The following LRRC58 variants were observed in gnomAD, a reference collection of about 807,000 sequenced individuals.
The protein encoded by LRRC58 is leucine rich repeat containing 58, also known as leucine-rich repeat-containing protein 58.
Under a neutral mutation model 30.6 loss-of-function variants are expected in LRRC58, and 18 were observed. That is an observed-to-expected ratio of 0.59 (90% CI 0.41 to 0.87). The LOEUF (loss-of-function observed/expected upper bound fraction) is 0.87. Among genes scored for constraint, LRRC58 ranks in the 40% least tolerant of loss-of-function variants. LRRC58 has a pLI of 0.00. For synonymous variants in LRRC58, 221 were observed against 206.0 expected (o/e 1.07, Z -0.62); for missense variants, 420 against 468.4 (o/e 0.90, Z 0.95).
rs1388202756 is a variant in LRRC58 at position 120,327,378 on chromosome 3, A to G, written c.*3822T>C. The G allele has an allele frequency of 6.8e-6, 1 of 147,222 alleles. No homozygotes were observed. The highest frequency in any genetic ancestry group is 1.5e-5 in the Non-Finnish European group (1 of 67,444). The allele number at this position is 147,222 out of a possible 1,614,324, so 9.1% of individuals were successfully genotyped here. ...GCCATTCTCTTGCCTCAGCCTCCCG[A>G]GTAGCTGGGACTACAGGCGCCCGCC... On this transcript the variant is annotated 3_prime_UTR_variant, in exon 4 of 4. Transcript: ENST00000295628.
chr3:120,348,792 C>G lies in LRRC58; in HGVS notation c.452G>C (p.Gly151Ala), dbSNP rs1936010740. 1 of 1,605,748 alleles carries G rather than the reference C, an allele frequency of 6.2e-7. No homozygotes were observed. Among genetic ancestry groups the G allele is most frequent in the Non-Finnish European group, 8.5e-7 (1 of 1,176,962 alleles). Residue 151 changes from glycine (G) to alanine (A), a missense_variant, in exon 1 of 4, where the codon GGC becomes GCC. By Grantham distance (60) the Gly-to-Ala change is moderately conservative. This residue lies in a region of LRRC58 where 266 missense variants were observed against 251.7 expected (regional missense o/e 1.06). Transcript: ENST00000295628. The part of the protein sequence containing the change: ...ELRALQTLSL[G>A]GNQLQSIPAE... The stretch of plus-strand genomic sequence containing the variant: ...CGGGATGCTCTGCAGTTGGTTGCCG[C>G]CCAGGCTCAGGGTCTGCAGCGCGCG...
chr3:120,332,178 A>G (rs1248487613), intron 3 of LRRC58, among the ~76,000 whole-genome samples: 1 of 152,192 alleles, frequency 6.6e-6, no homozygotes, highest in Non-Finnish European at 1.5e-5. Flanking sequence ...GACTGTCACA[A>G]TGGTTGCAGT....
At position 120,330,871 on chromosome 3, in the gene LRRC58, A is replaced by G; in HGVS notation, c.*329T>C. ...CTCACTTTCTCCATCTCAATGTCCAAAAGTTATACTACTCATGACTTATTG... is the reference window on the plus strand; with the variant it reads ...CTCACTTTCTCCATCTCAATGTCCAGAAGTTATACTACTCATGACTTATTG... On this transcript the variant is annotated 3_prime_UTR_variant, in exon 4 of 4. Transcript: ENST00000295628. 6.4e-6 allele frequency: 2 copies of G among 313,666 alleles called. No homozygotes were observed. Among genetic ancestry groups the G allele is most frequent in the Non-Finnish European group, 1.2e-5 (2 of 164,340 alleles). 19.4% of individuals were successfully genotyped at this position (313,666 alleles called of 1,614,324 possible).
chr3:120,333,409 G>C (rs1475315264), intron 3 of LRRC58, among the ~76,000 whole-genome samples: 1 of 152,212 alleles, frequency 6.6e-6, no homozygotes, highest in Non-Finnish European at 1.5e-5. Flanking sequence ...GCTAATTTAG[G>C]AATGGAGAAT....
At chr3:120,339,108 G>GTC (rs544985779) in intron 1 of LRRC58, among the ~76,000 whole-genome samples, 15 of 152,138 alleles carry the variant, frequency 9.9e-5, no homozygotes, top group Non-Finnish European at 1.6e-4. Flanking sequence ...TTATCATGGT[G>GTC]TCTCTCCACA....
chr3:120,348,315 C>G (rs1386311651), intron 1 of LRRC58, among the ~76,000 whole-genome samples: 1 of 152,140 alleles, frequency 6.6e-6, no homozygotes, highest in Non-Finnish European at 1.5e-5. Context: ...GAAGAGGAAG[C>G]TGCAAATGTA....
chr3:120,336,740 A>T (rs1260625080), intron 1 of LRRC58, among the ~76,000 whole-genome samples: 1 of 149,266 alleles, frequency 6.7e-6, no homozygotes, highest in Non-Finnish European at 1.5e-5. Context: ...GCACTAAAAT[A>T]AAAAAAAAGA....
chr3:120,332,447 T>C (rs753662822), intron 3 of LRRC58, among the ~76,000 whole-genome samples: 1 of 152,208 alleles, frequency 6.6e-6, no homozygotes, highest in Non-Finnish European at 1.5e-5. Flanking sequence ...TACATTACTC[T>C]GAATGATTGA....
At chr3:120,344,929 CCAAA>C (rs1189818597) in intron 1 of LRRC58, among the ~76,000 whole-genome samples, 1 of 152,030 alleles carries the variant, frequency 6.6e-6, no homozygotes, top group Non-Finnish European at 1.5e-5. Context: ...TATACTATAG[CCAAA>C]CAATTACACT....
chr3:120,345,773 A>G (rs1326011549), intron 1 of LRRC58, among the ~76,000 whole-genome samples: 1 of 152,256 alleles, frequency 6.6e-6, no homozygotes, highest in African/African-American at 2.4e-5. Context: ...GTAACGAGAA[A>G]TAAGGCACGC....
At chr3:120,333,562 C>T (rs1935790675) in intron 3 of LRRC58, among the ~76,000 whole-genome samples, 1 of 152,168 alleles carries the variant, frequency 6.6e-6, no homozygotes, top group African/African-American at 2.4e-5. Context: ...TCCCTTTTAA[C>T]CTTGTAATAG....
rs1352622174 is a variant in LRRC58, at chr3:120,329,657, T to C, written c.*1543A>G. 2 of 152,024 alleles carry C rather than the reference T, an allele frequency of 1.3e-5. No individual in the cohort carries two copies. The highest frequency in any genetic ancestry group is 4.8e-5 in the African/African-American group (2 of 41,414). The allele number at this position is 152,024 out of a possible 1,614,324, so 9.4% of individuals were successfully genotyped here. ...AAAAAAACCCTAATACATGTATATG[T>C]TATTATACAACAATCTGCTTTTAAG... On this transcript the variant is annotated 3_prime_UTR_variant, in exon 4 of 4. Transcript: ENST00000295628.
intron 1 of LRRC58, among the ~76,000 whole-genome samples, chr3:120,341,798 C>T (rs990434595): frequency 1.3e-5 from 2 of 151,916 alleles, no homozygotes; most frequent in African/African-American, 4.8e-5. Context: ...GGTGGCCCAA[C>T]CTGCAGCTGC....
At chr3:120,348,691 G>T in intron 1 of LRRC58, 53 bp downstream of exon 1, 1 of 1,486,272 alleles carries the variant, frequency 6.7e-7, no homozygotes, top group Admixed American at 2.4e-5. Flanking sequence ...GGCGCCCCAG[G>T]GTTCCCGGAC....
intron 1 of LRRC58, among the ~76,000 whole-genome samples, chr3:120,343,691 C>T (rs981055599): frequency 1.3e-5 from 2 of 152,234 alleles, no homozygotes; most frequent in South Asian, 2.1e-4. Flanking sequence ...GTAGAAAATG[C>T]TTTCTGCTTC....
At position 120,328,366 on chromosome 3, in the gene LRRC58, C is replaced by G. The variant is rs1559992016; in HGVS notation, c.*2834G>C. On this transcript the variant is annotated 3_prime_UTR_variant, in exon 4 of 4. Transcript: ENST00000295628. ...AGGGATAAAGACTACTAAGAATGCA[C>G]AATGTACTAATTCCAATTTCAAATA... 6.6e-6 allele frequency: 1 copy of G among 152,176 alleles called. No homozygotes were observed. The highest frequency in any genetic ancestry group is 1.5e-5 in the Non-Finnish European group (1 of 68,020). The allele number at this position is 152,176 out of a possible 1,614,324, so 9.4% of individuals were successfully genotyped here.
Position 120,330,776 on chromosome 3 carries a change from T to C in LRRC58, c.*424A>G, listed in dbSNP as rs1221960260. 3.3e-5 allele frequency: 7 copies of C among 214,278 alleles called. No homozygotes were observed. Among genetic ancestry groups the C allele is most frequent in the Admixed American group, 3.1e-4 (6 of 19,120 alleles). The allele number at this position is 214,278 out of a possible 1,614,324, so 13.3% of individuals were successfully genotyped here. ...TGGTATATATAGTATATATGGTATA[T>C]AGTATATATGGTATACAGTGTTCTA... is the stretch of plus-strand genomic sequence containing the variant. On this transcript the variant is annotated 3_prime_UTR_variant, in exon 4 of 4. Transcript: ENST00000295628.
At position 120,328,518 on chromosome 3, in the gene LRRC58, CTT is replaced by C. The variant is rs1935712273; in HGVS notation, c.*2680_*2681del. On this transcript the variant is annotated 3_prime_UTR_variant, in exon 4 of 4. Coordinates refer to ENST00000295628, the MANE Select transcript of LRRC58 (RefSeq NM_001099678.2). ...AACTTATTTCATTATAAAAATTAGA[CTT>C]CGCTAATTCTGTCTTTTAAAAACCC... 1 of 152,198 alleles carries C rather than the reference CTT, an allele frequency of 6.6e-6. No homozygotes were observed. The highest frequency in any genetic ancestry group is 1.5e-5 in the Non-Finnish European group (1 of 68,026). The allele number at this position is 152,198 out of a possible 1,614,324, so 9.4% of individuals were successfully genotyped here.
intron 2 of LRRC58, among the ~76,000 whole-genome samples, 191 bp from the exon 3 acceptor site, chr3:120,335,330 T>C (rs1250685460): frequency 6.6e-6 from 1 of 152,248 alleles, no homozygotes; most frequent in Non-Finnish European, 1.5e-5. Flanking sequence ...TGAAGGACTT[T>C]TGCCCTTGCA....
Sources: allele counts gnomAD v4.1 joint callset (sites outside exome capture counted in the v4.1 genomes callset), GRCh38; gene constraint gnomAD v4.1.1; regional missense constraint gnomAD v4.1.1; transcripts MANE v1.5; gene names NCBI Gene and HGNC (gene_info 2026-07-23, HGNC 2026-07-21).